The following BICD1 variants were observed in gnomAD, a reference collection of about 807,000 sequenced individuals.
BICD1 encodes the protein protein bicaudal D homolog 1.
BICD1 carries 35 observed loss-of-function variants against 92.5 expected under a neutral mutation model. The ratio of observed to expected loss-of-function variants is 0.38; its 90% CI spans 0.29 to 0.50. The LOEUF is 0.50. Among genes scored for constraint, BICD1 ranks in the 20% least tolerant of loss-of-function variants. The pLI, the probability that BICD1 is intolerant of heterozygous loss-of-function variation, is 0.93. For missense variants in BICD1, 950 were observed against 1,189.8 expected (o/e 0.80, Z 2.97); for synonymous variants, 429 against 465.1 (o/e 0.92, Z 1.00).
chr12:32,351,503 A>G lies in BICD1; in HGVS notation c.2764+12524A>G, dbSNP rs1293313614. ...ACTCTGTCTCAAAAAAAAAAAAAAA[A>G]AAAAAAAAGAAAGGAGAAAAAGAAA... On this transcript the variant is annotated intron_variant, in intron 8 of 9. Coordinates refer to ENST00000652176, the MANE Select transcript of BICD1 (RefSeq NM_001714.4). Among the ~76,000 whole-genome samples, 62 of 150,106 alleles carry G rather than the reference A, an allele frequency of 4.1e-4. 1 individual carries two copies. The highest frequency in any genetic ancestry group is 1.6e-4 in the Non-Finnish European group (11 of 67,664).
intron 8 of BICD1, 184 bp from the exon 9 acceptor site, chr12:32,367,486 A>T: frequency 1.9e-6 from 1 of 515,250 alleles, no homozygotes; most frequent in East Asian, 3.1e-5. Context: ...ATTTAAGAAA[A>T]AAAAAAAAGC....
At chr12:32,303,376 T>TA (rs1183945609) in intron 3 of BICD1, among the ~76,000 whole-genome samples, 1 of 152,226 alleles carries the variant, frequency 6.6e-6, no homozygotes, top group Admixed American at 6.5e-5. Flanking sequence ...TGCATCCTAT[T>TA]AGAGCACCAC....
At chr12:32,149,417 G>A (rs550604649) in intron 1 of BICD1, among the ~76,000 whole-genome samples, 1 of 152,274 alleles carries the variant, frequency 6.6e-6, no homozygotes. Flanking sequence ...CCTTTGATAT[G>A]TTTTCATATA....
chr12:32,118,043 C>T (rs1942003435), intron 1 of BICD1, among the ~76,000 whole-genome samples: 1 of 105,222 alleles, frequency 9.5e-6, no homozygotes, highest in Non-Finnish European at 2.0e-5. Flanking sequence ...AGCCATCGCA[C>T]CGGCCCGCTT....
chr12:32,136,925 A>G (rs3914202), intron 1 of BICD1, among the ~76,000 whole-genome samples: 1,773 of 152,236 alleles, frequency 0.012, 12 homozygotes, highest in Middle Eastern at 0.017. Flanking sequence ...TTCTTTGCCA[A>G]CCATATTCCA....
chr12:32,369,989 GATTGTTCCC>G (rs1845891449), intron 9 of BICD1, among the ~76,000 whole-genome samples: 3 of 152,186 alleles, frequency 2.0e-5, no homozygotes, highest in Admixed American at 2.0e-4. Flanking sequence ...TGTGTTAGTT[GATTGTTCCC>G]ACCACCTTCA....
intron 8 of BICD1, among the ~76,000 whole-genome samples, chr12:32,342,292 T>C (rs936164608): frequency 6.7e-6 from 1 of 148,692 alleles, no homozygotes; most frequent in African/African-American, 2.5e-5. Flanking sequence ...TTTTCCTCTG[T>C]CACCCAGGCT....
chr12:32,306,444 C>T (rs995118533), intron 4 of BICD1, among the ~76,000 whole-genome samples: 4 of 151,824 alleles, frequency 2.6e-5, no homozygotes, highest in Admixed American at 2.6e-4. Context: ...CGGGGTTTCA[C>T]CGTATTAGCC....
chr12:32,173,014 C>T (rs1038216732), intron 1 of BICD1, among the ~76,000 whole-genome samples: 4 of 152,158 alleles, frequency 2.6e-5, no homozygotes, highest in East Asian at 1.9e-4. Flanking sequence ...CTGACTGCCC[C>T]GGAGTCCCGC....
At chr12:32,317,929 T>C (rs1422214357) in intron 4 of BICD1, among the ~76,000 whole-genome samples, 4 of 152,200 alleles carry the variant, frequency 2.6e-5, no homozygotes, top group Non-Finnish European at 4.4e-5. Flanking sequence ...TTTCTACTTA[T>C]GGCTAGCCAG....
chr12:32,142,243 TAAA>T (rs1283358517), intron 1 of BICD1, among the ~76,000 whole-genome samples: 40 of 151,682 alleles, frequency 2.6e-4, no homozygotes, highest in Non-Finnish European at 7.4e-5. Context: ...CCGTCTCTAT[TAAA>T]AATACAAAAA....
intron 1 of BICD1, among the ~76,000 whole-genome samples, chr12:32,189,256 C>A (rs1413361866): frequency 6.6e-6 from 1 of 152,148 alleles, no homozygotes; most frequent in Non-Finnish European, 1.5e-5. Flanking sequence ...CATTTAAATT[C>A]TATTGCTCTG....
chr12:32,236,290 G>A (rs1946071333), intron 2 of BICD1, among the ~76,000 whole-genome samples: 2 of 152,000 alleles, frequency 1.3e-5, no homozygotes, highest in South Asian at 4.2e-4. Context: ...AGCTACTTGG[G>A]AGGCTGAGGC....
chr12:32,129,246 C>T (rs1942451181), intron 1 of BICD1, among the ~76,000 whole-genome samples: 1 of 150,120 alleles, frequency 6.7e-6, no homozygotes, highest in Non-Finnish European at 1.5e-5. Context: ...TTTTGTAGGC[C>T]GGGCATGGTG....
chr12:32,210,919 A>T (rs1945196479), intron 1 of BICD1, among the ~76,000 whole-genome samples: 1 of 152,204 alleles, frequency 6.6e-6, no homozygotes, highest in Non-Finnish European at 1.5e-5. Flanking sequence ...CTTTGTCAGG[A>T]GATACTCAGG....
chr12:32,329,059 T>G (rs989973952), intron 5 of BICD1, among the ~76,000 whole-genome samples: 1 of 152,182 alleles, frequency 6.6e-6, no homozygotes, highest in African/African-American at 2.4e-5. Context: ...GAGGTTCAGA[T>G]TCAAGACTCA....
In BICD1 at chr12:32,327,585, C is replaced by T; in HGVS notation, c.1130C>T (p.Ala377Val). 1 of 1,614,056 alleles carries T rather than the reference C, an allele frequency of 6.2e-7. No homozygotes were observed. The highest frequency in any genetic ancestry group is 1.3e-5 in the African/African-American group (1 of 75,006). The change falls in exon 5 of 10, where the codon GCC becomes GTC. Residue 377 changes from alanine (A) to valine (V), a missense_variant. Coordinates refer to ENST00000652176, the MANE Select transcript of BICD1 (RefSeq NM_001714.4). ...CACCGGCTCACAGAGCACGTCAATG[C>T]CATGAGGGGCCTGCAAAGCAGCAAG... ...RVHRLTEHVN[A>V]MRGLQSSKEL...
intron 9 of BICD1, among the ~76,000 whole-genome samples, chr12:32,374,633 TCTC>T (rs910259748): frequency 4.0e-5 from 6 of 148,780 alleles, no homozygotes; most frequent in African/African-American, 1.2e-4. Flanking sequence ...AATGGCGTGA[TCTC>T]AGCTCACCGC....
chr12:32,165,562 A>G (rs946970417), intron 1 of BICD1, among the ~76,000 whole-genome samples: 4 of 151,534 alleles, frequency 2.6e-5, no homozygotes, highest in Non-Finnish European at 5.9e-5. Context: ...GTGCGTGCCT[A>G]TAGTCCCAGC....
Sources: gnomAD v4.1 joint callset for allele counts (sites outside exome capture counted in the v4.1 genomes callset) on GRCh38, gnomAD v4.1.1 for gene constraint, MANE v1.5 for transcripts, NCBI Gene and HGNC (gene_info 2026-07-23, HGNC 2026-07-21) for gene names.